SHLD2: variants seen among roughly 807,000 people sequenced by gnomAD.
The protein encoded by SHLD2 is RINN1-REV7-interacting novel NHEJ regulator 2.
In SHLD2, 30 loss-of-function variants were observed where a neutral mutation model predicts 73.2. That is an observed-to-expected ratio of 0.41 (90% confidence interval 0.31 to 0.56). The LOEUF is 0.56. Ranked by LOEUF, SHLD2 falls within the 20% of genes least tolerant of loss-of-function variation. The pLI is 0.28. For missense variants in SHLD2, 745 were observed against 1,055.9 expected (o/e 0.71, Z 4.08); for synonymous variants, 285 against 370.1 (o/e 0.77, Z 2.64).
At chr10:87,147,437 A>C (rs2134284619) in intron 2 of SHLD2, among the ~76,000 whole-genome samples, 1 of 151,934 alleles carries the variant, frequency 6.6e-6, no homozygotes, top group Admixed American at 6.6e-5. Flanking sequence ...GAGTTTCACA[A>C]CTGCAGTGGT....
chr10:87,176,202 G>A (rs1322640884), intron 7 of SHLD2, 107 bp downstream of exon 7: 6 of 1,361,266 alleles, frequency 4.4e-6, no homozygotes, highest in South Asian at 2.6e-5. Context: ...GCTCACTGCA[G>A]TCTCCACCTC....
At chr10:87,116,515 A>T (rs1843264852) in intron 2 of SHLD2, among the ~76,000 whole-genome samples, 1 of 152,048 alleles carries the variant, frequency 6.6e-6, no homozygotes, top group South Asian at 2.1e-4. Context: ...GATGGTGCAG[A>T]TGGGGAAGTG....
intron 2 of SHLD2, among the ~76,000 whole-genome samples, chr10:87,119,734 C>T (rs1478175413): frequency 9.9e-5 from 15 of 150,872 alleles, no homozygotes; most frequent in South Asian, 4.2e-4. Context: ...GCCAAGATCG[C>T]GCCACTGCAC....
intron 2 of SHLD2, among the ~76,000 whole-genome samples, chr10:87,104,591 T>A (rs1425953947): frequency 2.0e-5 from 3 of 148,492 alleles, no homozygotes; most frequent in African/African-American, 4.9e-5. Flanking sequence ...AGGAAAAAAA[T>A]AAAAAGTAAA....
At chr10:87,143,862 C>CTTTTTT (rs61651864) in intron 2 of SHLD2, among the ~76,000 whole-genome samples, 18 of 104,754 alleles carry the variant, frequency 1.7e-4, no homozygotes, top group African/African-American at 5.1e-4. Flanking sequence ...TTTATTCTTT[C>CTTTTTT]TTTTTTTTTT....
intron 2 of SHLD2, among the ~76,000 whole-genome samples, chr10:87,136,438 G>A (rs1204955079): frequency 6.6e-6 from 1 of 150,796 alleles, no homozygotes; most frequent in East Asian, 1.9e-4. Flanking sequence ...GGAGAATGGA[G>A]AAACCAAGAT....
chr10:87,120,287 G>A lies in SHLD2; in HGVS notation c.-6+23298G>A, dbSNP rs1378058841. On this transcript the variant is annotated intron_variant, in intron 2 of 9. Transcript: ENST00000298786. ...TTTTGAGACAGAGTCTTGCTCTATC[G>A]CCCAGGCTGGAGTGCAGTGGCATGA... 4.7e-5 allele frequency among the ~76,000 whole-genome samples: 7 copies of A among 150,020 alleles called. 1 individual carries two copies. The highest frequency in any genetic ancestry group is 2.1e-4 in the South Asian group (1 of 4,770).
At chr10:87,164,740 G>T (rs1162706268) in intron 4 of SHLD2, among the ~76,000 whole-genome samples, 2 of 152,046 alleles carry the variant, frequency 1.3e-5, no homozygotes, top group Admixed American at 6.6e-5. Context: ...AGAAAATAAT[G>T]ATAGTATTGG....
intron 4 of SHLD2, among the ~76,000 whole-genome samples, chr10:87,161,373 G>A (rs1460531422): frequency 6.6e-6 from 1 of 152,000 alleles, no homozygotes; most frequent in Non-Finnish European, 1.5e-5. Flanking sequence ...CCCAGGCTGG[G>A]GGATGAGGTT....
chr10:87,168,523 C>T (rs1335527770), intron 4 of SHLD2, among the ~76,000 whole-genome samples: 1 of 150,378 alleles, frequency 6.6e-6, no homozygotes, highest in Non-Finnish European at 1.5e-5. Flanking sequence ...CACCTGAGCC[C>T]AGGAGGTGGA....
At chr10:87,188,715 T>C (rs924180294) in intron 9 of SHLD2, among the ~76,000 whole-genome samples, 1 of 152,234 alleles carries the variant, frequency 6.6e-6, no homozygotes, top group Non-Finnish European at 1.5e-5. Context: ...CAAGGGAAAC[T>C]GTGCTCCTGT....
At chr10:87,143,437 T>A (rs1013102449) in intron 2 of SHLD2, among the ~76,000 whole-genome samples, 6 of 152,202 alleles carry the variant, frequency 3.9e-5, no homozygotes, top group African/African-American at 1.4e-4. Flanking sequence ...CTGGCAGCCA[T>A]GATCCTCTTT....
intron 6 of SHLD2, among the ~76,000 whole-genome samples, chr10:87,174,631 G>A (rs1847826715): frequency 6.6e-6 from 1 of 150,446 alleles, no homozygotes; most frequent in Non-Finnish European, 1.5e-5. Context: ...TAGTAAATTA[G>A]ATTTATGGCC....
intron 2 of SHLD2, among the ~76,000 whole-genome samples, chr10:87,102,146 G>A (rs551354185): frequency 6.6e-6 from 1 of 152,054 alleles, no homozygotes; most frequent in South Asian, 2.1e-4. Flanking sequence ...ATCTCTTATT[G>A]ATGGACATGA....
intron 2 of SHLD2, among the ~76,000 whole-genome samples, chr10:87,097,548 T>G (rs1207456040): frequency 6.6e-6 from 1 of 151,762 alleles, no homozygotes; most frequent in Non-Finnish European, 1.5e-5. Context: ...GCCGAGATCG[T>G]GCCATTGCAC....
At chr10:87,105,278 A>G (rs1002509884) in intron 2 of SHLD2, among the ~76,000 whole-genome samples, 18 of 152,256 alleles carry the variant, frequency 1.2e-4, no homozygotes, top group African/African-American at 4.3e-4. Flanking sequence ...TTAAAAACAG[A>G]CATAACTGAA....
chr10:87,176,388 G>C (rs1409847825), intron 7 of SHLD2, among the ~76,000 whole-genome samples: 1 of 152,108 alleles, frequency 6.6e-6, no homozygotes, highest in Non-Finnish European at 1.5e-5. Flanking sequence ...GGACTCAAGT[G>C]ATCCTCTTGC....
chr10:87,139,605 G>A (rs898877962), intron 2 of SHLD2, among the ~76,000 whole-genome samples: 11 of 152,216 alleles, frequency 7.2e-5, no homozygotes, highest in African/African-American at 2.4e-4. Context: ...GGTGACTCAC[G>A]CCTACACACT....
chr10:87,168,013 T>G (rs1370950079), intron 4 of SHLD2, among the ~76,000 whole-genome samples: 3 of 152,170 alleles, frequency 2.0e-5, no homozygotes, highest in Admixed American at 6.5e-5. Flanking sequence ...AAGGAAATGC[T>G]CATACACTGT....
Sources: gnomAD v4.1 joint callset for allele counts (sites outside exome capture counted in the v4.1 genomes callset) on GRCh38, gnomAD v4.1.1 for gene constraint, MANE v1.5 for transcripts, NCBI Gene and HGNC (gene_info 2026-07-23, HGNC 2026-07-21) for gene names.